The following CLEC17A variants were observed in gnomAD, a reference collection of about 807,000 sequenced individuals.
CLEC17A encodes the protein C-type lectin domain containing 17A, also known as C-type lectin domain family 17, member A.
A neutral mutation model predicts 61.3 loss-of-function variants in CLEC17A; 37 were observed. The observed-to-expected ratio is 0.60, with a 90% CI of 0.46 to 0.79. CLEC17A has a LOEUF of 0.79. Ranked by LOEUF, CLEC17A falls within the 30% of genes least tolerant of loss-of-function variation. The probability of loss-of-function intolerance (pLI) is 0.00; values close to 1 mark genes in which losing one functional copy is unlikely to be tolerated. For synonymous variants in CLEC17A, 168 were observed against 164.9 expected (o/e 1.02, Z -0.14); for missense variants, 418 against 464.7 (o/e 0.90, Z 0.92).
upstream of CLEC17A, among the ~76,000 whole-genome samples, chr19:14,582,806 C>T (rs1338993167): frequency 6.6e-6 from 1 of 151,988 alleles, no homozygotes; most frequent in African/African-American, 2.4e-5. Context: ...CTGGGTTTCA[C>T]CATGTTGGCC....
At position 14,592,194 on chromosome 19, in the gene CLEC17A, T is replaced by C. The variant is rs369717771; in HGVS notation, c.200-87T>C. 584 of 1,393,794 alleles carry C rather than the reference T, an allele frequency of 4.2e-4. 3 individuals are homozygous for C. The South Asian group carries it at 7.5e-3, about 18-fold the overall frequency. 86.3% of individuals were successfully genotyped at this position (1,393,794 alleles called of 1,614,324 possible). The stretch of plus-strand genomic sequence containing the variant: ...CAAGATCCAGGGTACAGAATCCCCA[T>C]CATGGGGCAGCTGAGGCAGAGACCA... On this transcript the variant is annotated intron_variant, in intron 3 of 13. Coordinates refer to ENST00000417570, the MANE Select transcript of CLEC17A (RefSeq NM_001204118.2).
chr19:14,611,419 C>G lies in CLEC17A; in HGVS notation c.*1223C>G, dbSNP rs2075037039. Among the ~76,000 whole-genome samples, 1 of 146,584 alleles carries G rather than the reference C, an allele frequency of 6.8e-6. No homozygotes were observed. The highest frequency in any genetic ancestry group is 1.5e-5 in the Non-Finnish European group (1 of 67,214). ...TTGAGATAGGGTTTCATTCTACTAC[C>G]CAGGCTGGAGTGCAGTGGCACAATC... is the stretch of plus-strand genomic sequence containing the variant. On this transcript the variant is annotated 3_prime_UTR_variant, in exon 14 of 14. Transcript: ENST00000417570.
chr19:14,602,340 A>G (rs1190272662), intron 12 of CLEC17A, among the ~76,000 whole-genome samples: 3 of 152,104 alleles, frequency 2.0e-5, no homozygotes, highest in African/African-American at 7.2e-5. Flanking sequence ...CCCAGGCTGG[A>G]GTGCAGTGGC....
At chr19:14,608,842 C>A (rs978441814) in intron 13 of CLEC17A, among the ~76,000 whole-genome samples, 17 of 150,870 alleles carry the variant, frequency 1.1e-4, no homozygotes, top group South Asian at 6.3e-4. Context: ...CTCTGTGGCC[C>A]GAGCTGTAGT....
Position 14,592,266 on chromosome 19 carries a change from C to T in CLEC17A, c.200-15C>T, listed in dbSNP as rs2074437853. 3 of 1,579,600 alleles carry T rather than the reference C, an allele frequency of 1.9e-6. No homozygotes were observed. Among genetic ancestry groups the T allele is most frequent in the East Asian group, 4.6e-5 (2 of 43,174 alleles). On this transcript the variant is annotated splice_polypyrimidine_tract_variant and intron_variant, in intron 3 of 13. Transcript: ENST00000417570. ...GAGGGAATGGCTGGGCTCTGACTTG[C>T]CTTTCCCCTGGAAGGGACCATGGAG...
At chr19:14,595,396 C>T in intron 8 of CLEC17A, 81 bp downstream of exon 8, 1 of 1,489,432 alleles carries the variant, frequency 6.7e-7, no homozygotes, top group Non-Finnish European at 9.3e-7. Flanking sequence ...GACCCTGAGT[C>T]AGAGGAACTT....
chr19:14,592,417 G>A, intron 4 of CLEC17A, 59 bp downstream of exon 4: 6 of 1,603,686 alleles, frequency 3.7e-6, no homozygotes, highest in Non-Finnish European at 4.3e-6. Flanking sequence ...TTTCCAGGAG[G>A]CATTGGCTGG....
intron 2 of CLEC17A, among the ~76,000 whole-genome samples, chr19:14,586,044 T>C (rs2074271270): frequency 6.6e-6 from 1 of 152,110 alleles, no homozygotes; most frequent in Non-Finnish European, 1.5e-5. Flanking sequence ...TCCTATCCCA[T>C]TGCTCTGTTT....
chr19:14,596,981 G>T lies in CLEC17A; in HGVS notation c.551G>T (p.Gly184Val), dbSNP rs770646733. ...CLLVVTSLFLGCLGLTVTLIK... is the reference protein window; with the variant it reads ...CLLVVTSLFLVCLGLTVTLIK... The stretch of plus-strand genomic sequence containing the variant: ...CTGGTGGTGACTTCCCTGTTCCTGG[G>T]CTGCCTTGGTCTCACTGTGACCCTG... The change falls in exon 9 of 14, where the codon GGC (glycine) becomes GTC (valine). Residue 184 changes from glycine to valine, a missense_variant. Coordinates refer to ENST00000417570, the MANE Select transcript of CLEC17A (RefSeq NM_001204118.2). 6.2e-7 allele frequency: 1 copy of T among 1,609,056 alleles called. No homozygotes were observed. The highest frequency in any genetic ancestry group is 8.5e-7 in the Non-Finnish European group (1 of 1,177,816).
At chr19:14,581,213 T>C (rs552143554), upstream of CLEC17A, among the ~76,000 whole-genome samples, 3 of 152,330 alleles carry the variant, frequency 2.0e-5, no homozygotes, top group Admixed American at 6.5e-5. Flanking sequence ...TAAAAACCTC[T>C]ACAAAGGGAA....
upstream of CLEC17A, among the ~76,000 whole-genome samples, chr19:14,581,449 G>A (rs1403748083): frequency 2.6e-5 from 4 of 151,942 alleles, no homozygotes; most frequent in East Asian, 3.9e-4. Flanking sequence ...GCAGCCACCC[G>A]AGTAGCTGGC....
rs763010053 is a variant in CLEC17A at position 14,596,928 on chromosome 19, G to A, written c.498G>A (p.Gln166=). ...GGTCTGGAGGTCCTGGCTGCTGCCA[G>A]AAGAGGTGGATGGTGTACCTGTGTC... ...NQRSGGPGCC[Q]KRWMVYLCLL... The change falls in exon 9 of 14, where the codon CAG becomes CAA. Residue 166 remains glutamine (Q), a synonymous_variant. Transcript: ENST00000417570. 2 of 1,608,630 alleles carry A rather than the reference G, an allele frequency of 1.2e-6. No individual in the cohort carries two copies. Among genetic ancestry groups the A allele is most frequent in the Admixed American group, 1.7e-5 (1 of 59,508 alleles).
At chr19:14,586,714 A>G (rs558408493) in intron 2 of CLEC17A, among the ~76,000 whole-genome samples, 1 of 152,156 alleles carries the variant, frequency 6.6e-6, no homozygotes, top group South Asian at 2.1e-4. Context: ...GGCATGAGCC[A>G]TTGCGCCCAG....
Position 14,600,068 on chromosome 19 carries a change from C to A in CLEC17A, c.780C>A (p.Pro260=). ...TTACCTGTCCTGAAGGCTGGCTGCC[C>A]TTTGAGGGCAAGTGTTACTACTTCT... ...RRITCPEGWL[P]FEGKCYYFSP... is the part of the protein sequence containing the mutation. The change falls in exon 12 of 14, where the codon CCC becomes CCA. Residue 260 remains proline (P), a synonymous_variant. Coordinates refer to ENST00000417570, the MANE Select transcript of CLEC17A (RefSeq NM_001204118.2). 1 of 1,614,006 alleles carries A rather than the reference C, an allele frequency of 6.2e-7. No homozygotes were observed. Among genetic ancestry groups the A allele is most frequent in the Non-Finnish European group, 8.5e-7 (1 of 1,179,894 alleles).
chr19:14,581,447 C>A (rs1026347539), upstream of CLEC17A, among the ~76,000 whole-genome samples: 2 of 152,112 alleles, frequency 1.3e-5, no homozygotes, highest in Non-Finnish European at 2.9e-5. Context: ...CCGCAGCCAC[C>A]CGAGTAGCTG....
intron 2 of CLEC17A, 72 bp from the exon 3 acceptor site, chr19:14,587,542 G>C: frequency 6.8e-7 from 1 of 1,468,392 alleles, no homozygotes; most frequent in Non-Finnish European, 9.2e-7. Context: ...GGGCAGCTGA[G>C]GCAGAGACCA....
upstream of CLEC17A, among the ~76,000 whole-genome samples, chr19:14,582,594 T>C (rs894056138): frequency 3.3e-5 from 5 of 151,732 alleles, no homozygotes; most frequent in Admixed American, 3.3e-4. Flanking sequence ...TAATATTTAA[T>C]GTTTTTTAAA....
chr19:14,600,022 G>T lies in CLEC17A; in HGVS notation c.743-9G>T. 1 of 1,613,470 alleles carries T rather than the reference G, an allele frequency of 6.2e-7. No homozygotes were observed. Among genetic ancestry groups the T allele is most frequent in the Non-Finnish European group, 8.5e-7 (1 of 1,179,664 alleles). ...GGGCCATCCTGACAGCATTCTGTCTGGTTCCCAGACTGCCGCCGAATTACC... is the reference window on the plus strand; with the variant it reads ...GGGCCATCCTGACAGCATTCTGTCTTGTTCCCAGACTGCCGCCGAATTACC... On this transcript the variant is annotated splice_polypyrimidine_tract_variant and intron_variant, in intron 11 of 13. Transcript: ENST00000417570.
At chr19:14,597,047 T>C (rs754348644) in intron 9 of CLEC17A, 34 bp downstream of exon 9, 27 of 1,611,270 alleles carry the variant, frequency 1.7e-5, no homozygotes, top group Non-Finnish European at 1.9e-5. Context: ...TGGGGAGAGA[T>C]TGGGGAGGGT....
Sources: allele counts gnomAD v4.1 joint callset (sites outside exome capture counted in the v4.1 genomes callset), GRCh38; gene constraint gnomAD v4.1.1; transcripts MANE v1.5; gene names NCBI Gene and HGNC (gene_info 2026-07-23, HGNC 2026-07-21).